Variants in C1orf141 observed in about 807,000 individuals in gnomAD.
The protein encoded by C1orf141 is uncharacterized protein C1orf141.
Under a neutral mutation model 23.2 loss-of-function variants are expected in C1orf141, and 19 were observed. The observed-to-expected ratio is 0.82, with a 90% CI of 0.57 to 1.20. The LOEUF (loss-of-function observed/expected upper bound fraction) is 1.20, where lower values mean the gene tolerates loss of function less well. Ranked by LOEUF, C1orf141 falls within the 50% of genes most tolerant of loss-of-function variation. The pLI is 0.00. For synonymous variants in C1orf141, 153 were observed against 154.6 expected, an observed-to-expected ratio of 0.99 and a Z score of 0.08; for missense variants, 469 against 455.1, an observed-to-expected ratio of 1.03 and a Z score of -0.28.
chr1:67,131,786 CT>C (rs796496335), intron 1 of C1orf141, among the ~76,000 whole-genome samples: 3,827 of 121,400 alleles, frequency 0.032, 20 homozygotes, highest in Middle Eastern at 0.05. Flanking sequence ...ACTACCTCTT[CT>C]TTTTTTTTTT....
rs767343381 is a variant in C1orf141 at position 67,093,043 on chromosome 1, A to G, written c.1165T>C (p.Leu389=). 6.3e-7 allele frequency: 1 copy of G among 1,595,232 alleles called. No homozygotes were observed. Among genetic ancestry groups the G allele is most frequent in the Non-Finnish European group, 8.6e-7 (1 of 1,166,146 alleles). ...ELNNVTPLDN[L]LNLSNEILNA... ...AAAATTTCATTTGATAAGTTTAACA[A>G]ATTATCCAGTGGCGTTACATTATTT... Residue 389 remains leucine, a synonymous_variant, in exon 8 of 8, where the codon TTG becomes CTG. Coordinates refer to ENST00000684719, the MANE Select transcript of C1orf141 (RefSeq NM_001276351.2).
At position 67,125,812 on chromosome 1, in the gene C1orf141, G is replaced by A. The variant is rs781191225; in HGVS notation, c.173C>T (p.Ala58Val). Reference sequence around the variant, plus strand: ...TTTGATCTTTGATATTGCCTTAGACGCGGATGTAGCAAGAGCTTCTTCAAA... The same window carrying A: ...TTTGATCTTTGATATTGCCTTAGACACGGATGTAGCAAGAGCTTCTTCAAA... ...LEFEEALATSASKAISKIKED... is the reference protein window; with the variant it reads ...LEFEEALATSVSKAISKIKED... Residue 58 changes from alanine (A) to valine (V), a missense_variant, in exon 4 of 8, where the codon GCG (alanine) becomes GTG (valine). Around this residue, in one of 3 missense-constraint regions of C1orf141, gnomAD observed 95 missense variants for 90.3 expected, o/e 1.05. Transcript: ENST00000684719. The A allele has an allele frequency of 3.5e-5, 57 of 1,613,576 alleles. No homozygotes were observed. The highest frequency in any genetic ancestry group is 3.3e-4 in the Middle Eastern group (2 of 6,060).
rs117954216 is a variant in C1orf141, at chr1:67,116,736, G to T, written c.234-1272C>A. Among the ~76,000 whole-genome samples the T allele has an allele frequency of 9.9e-4, 150 of 152,088 alleles. 5 individuals are homozygous for T. The East Asian group carries it at 0.027, about 28-fold the overall frequency. On this transcript the variant is annotated intron_variant, in intron 4 of 7. Coordinates refer to ENST00000684719, the MANE Select transcript of C1orf141 (RefSeq NM_001276351.2). The stretch of plus-strand genomic sequence containing the variant: ...GCAAATTTTCTACCTGTTTGGTTCA[G>T]GGAAAGGAATTTAGGCTCCACTTAA...
chr1:67,128,591 C>T (rs986164904), intron 2 of C1orf141, among the ~76,000 whole-genome samples: 2 of 151,786 alleles, frequency 1.3e-5, no homozygotes, highest in Non-Finnish European at 2.9e-5. Context: ...GTAATCCCAG[C>T]GATTTGGGAG....
intron 2 of C1orf141, among the ~76,000 whole-genome samples, chr1:67,128,925 A>T (rs1317019372): frequency 6.6e-6 from 1 of 152,212 alleles, no homozygotes; most frequent in Non-Finnish European, 1.5e-5. Context: ...CAGCAATGCC[A>T]CATGGAGACA....
intron 5 of C1orf141, among the ~76,000 whole-genome samples, chr1:67,101,213 G>A (rs933340363): frequency 2.0e-5 from 3 of 152,054 alleles, no homozygotes; most frequent in African/African-American, 7.2e-5. Context: ...TCAAGTCCCT[G>A]CTCCTTCAAG....
At chr1:67,127,075 A>T in intron 3 of C1orf141, 91 bp downstream of exon 3, 1 of 781,220 alleles carries the variant, frequency 1.3e-6, no homozygotes, top group Non-Finnish European at 2.0e-6. Context: ...ATATCATATT[A>T]ATGTATCATT....
At chr1:67,112,682 C>G (rs978114096) in intron 5 of C1orf141, among the ~76,000 whole-genome samples, 2 of 152,066 alleles carry the variant, frequency 1.3e-5, no homozygotes, top group Non-Finnish European at 2.9e-5. Flanking sequence ...GCCTGGGCAA[C>G]AGAGTGAGAC....
chr1:67,103,296 A>C (rs536696477), intron 5 of C1orf141: 1 of 1,492,108 alleles, frequency 6.7e-7, no homozygotes, highest in Non-Finnish European at 9.0e-7. Flanking sequence ...TGTTGAACAT[A>C]GGAGAAAAGT....
intron 7 of C1orf141, chr1:67,094,963 C>A (rs1400040589): frequency 1.0e-5 from 3 of 295,878 alleles, no homozygotes; most frequent in African/African-American, 6.6e-5. Flanking sequence ...TTAAAAAATT[C>A]TTTTTATTCT....
chr1:67,113,685 A>G (rs945412278), intron 5 of C1orf141: 37 of 1,268,220 alleles, frequency 2.9e-5, no homozygotes, highest in African/African-American at 7.7e-5. Flanking sequence ...AAGAAGTACA[A>G]GTTTCATACT....
At chr1:67,107,987 T>A (rs1290453028) in intron 5 of C1orf141, among the ~76,000 whole-genome samples, 2 of 152,226 alleles carry the variant, frequency 1.3e-5, no homozygotes, top group African/African-American at 4.8e-5. Context: ...TATCCTAAAG[T>A]AAGGTGGTTG....
At chr1:67,122,824 TTTCTC>T (rs1203987183) in intron 4 of C1orf141, 1 of 152,222 alleles carries the variant, frequency 6.6e-6, no homozygotes, top group Non-Finnish European at 1.5e-5. Context: ...TTGCCATTGT[TTTCTC>T]TTCAATTTTG....
chr1:67,139,593 C>G (rs1377575096), upstream of C1orf141, among the ~76,000 whole-genome samples: 1 of 152,154 alleles, frequency 6.6e-6, no homozygotes, highest in Admixed American at 6.5e-5. Context: ...TTAAAGATCA[C>G]AACAGTAAAC....
At chr1:67,097,847 T>C (rs1441248680) in intron 5 of C1orf141, among the ~76,000 whole-genome samples, 1 of 152,142 alleles carries the variant, frequency 6.6e-6, no homozygotes, top group Non-Finnish European at 1.5e-5. Flanking sequence ...GGCTTCAGTT[T>C]CTACTTAGAG....
In C1orf141 at chr1:67,093,345, G is replaced by A. The variant is rs563154808; in HGVS notation, c.863C>T (p.Ala288Val). Residue 288 changes from alanine to valine, a missense_variant, in exon 8 of 8, where the codon GCG (alanine) becomes GTG (valine). Transcript: ENST00000684719. ...KDIQIPMSFK[A>V]GHTTVDDKLK... ...TTTATCATCTACAGTTGTGTGGCCC[G>A]CTTTAAAAGACATAGGGATCTGTAT... 200 of 1,613,754 alleles carry A rather than the reference G, an allele frequency of 1.2e-4. No individual in the cohort carries two copies. In the South Asian group the frequency reaches 1.3e-3, roughly 10 times the overall value.
upstream of C1orf141, chr1:67,138,890 G>A (rs899886205): frequency 2.0e-5 from 3 of 152,346 alleles, no homozygotes; most frequent in Admixed American, 2.0e-4. Context: ...GACTGGCTCA[G>A]GGAGAAGCAG....
At chr1:67,129,677 C>T (rs117065301) in intron 2 of C1orf141, among the ~76,000 whole-genome samples, 7 of 152,268 alleles carry the variant, frequency 4.6e-5, no homozygotes, top group Middle Eastern at 3.4e-3. Context: ...CACAGAACAT[C>T]GCTCCAAAAA....
intron 3 of C1orf141, 121 bp from the exon 4 acceptor site, chr1:67,126,030 G>A: frequency 5.4e-6 from 6 of 1,109,026 alleles, no homozygotes; most frequent in Non-Finnish European, 6.2e-6. Flanking sequence ...AATTTAGGTG[G>A]CAGGCAATAA....
Sources: gnomAD v4.1 joint callset for allele counts (sites outside exome capture counted in the v4.1 genomes callset) on GRCh38, gnomAD v4.1.1 for gene constraint, gnomAD v4.1.1 regional missense constraint, MANE v1.5 for transcripts, NCBI Gene and HGNC (gene_info 2026-07-23, HGNC 2026-07-21) for gene names.